MCCC1: variants seen among roughly 807,000 people sequenced by gnomAD.
MCCC1 encodes methylcrotonoyl-CoA carboxylase subunit alpha, mitochondrial.
In MCCC1, 64 loss-of-function variants were observed where a neutral mutation model predicts 83.8. That is an observed-to-expected ratio of 0.76 (90% CI 0.62 to 0.94). The LOEUF (loss-of-function observed/expected upper bound fraction) is 0.94. Ranked by LOEUF, MCCC1 falls within the 40% of genes least tolerant of loss-of-function variation. The probability of loss-of-function intolerance (pLI) is 0.00; values close to 1 mark genes in which losing one functional copy is unlikely to be tolerated. For synonymous variants in MCCC1, 322 were observed against 315.4 expected (o/e 1.02, Z -0.22); for missense variants, 807 against 904.7 (o/e 0.89, Z 1.39).
intron 1 of MCCC1, among the ~76,000 whole-genome samples, chr3:183,113,727 A>G (rs1199626824): frequency 6.6e-6 from 1 of 152,070 alleles, no homozygotes; most frequent in Non-Finnish European, 1.5e-5. Flanking sequence ...AAAAATTTAA[A>G]AAAAGGGTCC....
At chr3:183,053,591 A>G (rs1022069928) in intron 8 of MCCC1, among the ~76,000 whole-genome samples, 19 of 151,772 alleles carry the variant, frequency 1.3e-4, no homozygotes, top group South Asian at 8.4e-4. Flanking sequence ...CGGATCATGA[A>G]GTCAGGAGTT....
chr3:183,044,910 T>TTGTTGC (rs1281075962), intron 10 of MCCC1, among the ~76,000 whole-genome samples: 1 of 151,188 alleles, frequency 6.6e-6, no homozygotes, highest in East Asian at 1.9e-4. Context: ...GACTGTTTTG[T>TTGTTGC]TGTTGTTGTT....
At chr3:183,047,796 T>G (rs1166778737) in intron 9 of MCCC1, among the ~76,000 whole-genome samples, 6 of 150,616 alleles carry the variant, frequency 4.0e-5, no homozygotes, top group Admixed American at 6.6e-5. Flanking sequence ...TGAAAAACAG[T>G]GAGAAAAAAA....
At chr3:183,060,572 C>T (rs1474810673) in intron 7 of MCCC1, among the ~76,000 whole-genome samples, 3 of 151,642 alleles carry the variant, frequency 2.0e-5, no homozygotes, top group Non-Finnish European at 4.4e-5. Context: ...TGCAAATACA[C>T]TTATAGTTTT....
chr3:183,103,737 C>G (rs77462396), upstream of MCCC1, among the ~76,000 whole-genome samples: 1 of 152,216 alleles, frequency 6.6e-6, no homozygotes, highest in Non-Finnish European at 1.5e-5. Flanking sequence ...AGTCCCGCGC[C>G]GTGCGCCCGC....
Position 183,072,482 on chromosome 3 carries a change from G to A in MCCC1, c.375C>T (p.Ile125=). Reference sequence around the variant, plus strand: ...CTGAGAGAAAACCGCATCCTGGATGGATAGCCTAGAAATGAGAAATAAAAT... The same window carrying A: ...CTGAGAGAAAACCGCATCCTGGATGAATAGCCTAGAAATGAGAAATAAAAT... The part of the protein sequence containing the change: ...QVAKTSAAQA[I]HPGCGFLSEN... The change falls in exon 5 of 19, where the codon ATC becomes ATT. Residue 125 remains isoleucine (I), a synonymous_variant. Coordinates refer to ENST00000265594, the MANE Select transcript of MCCC1 (RefSeq NM_020166.5). The A allele has an allele frequency of 6.2e-7, 1 of 1,613,762 alleles. No homozygotes were observed. The highest frequency in any genetic ancestry group is 1.1e-5 in the South Asian group (1 of 91,074).
chr3:183,098,141 G>C (rs13059375), intron 1 of MCCC1, among the ~76,000 whole-genome samples: 1 of 151,956 alleles, frequency 6.6e-6, no homozygotes, highest in African/African-American at 2.4e-5. Flanking sequence ...GTGTTATCCA[G>C]GTTGGTCTCG....
intron 1 of MCCC1, among the ~76,000 whole-genome samples, chr3:183,111,577 G>C (rs1017004050): frequency 2.6e-5 from 4 of 152,224 alleles, no homozygotes; most frequent in African/African-American, 9.6e-5. Flanking sequence ...TGGGATTACA[G>C]GCGTGAGTCA....
At chr3:183,067,783 A>G (rs1478658284) in intron 7 of MCCC1, among the ~76,000 whole-genome samples, 5 of 152,194 alleles carry the variant, frequency 3.3e-5, no homozygotes. Flanking sequence ...AAGCCTTCTA[A>G]CTTAGTTAAC....
Position 183,015,384 on chromosome 3 carries a change from T to G in MCCC1, c.*54A>C. The G allele has an allele frequency of 6.2e-7, 1 of 1,608,202 alleles. No homozygotes were observed. The highest frequency in any genetic ancestry group is 8.5e-7 in the Non-Finnish European group (1 of 1,174,742). On this transcript the variant is annotated 3_prime_UTR_variant, in exon 19 of 19. Coordinates refer to ENST00000265594, the MANE Select transcript of MCCC1 (RefSeq NM_020166.5). ...CCCCAGAAAAGCTGGAGGCACTTCC[T>G]CTTTTTGGTGGAGAGAGAAGACACT...
At chr3:183,079,116 C>T (rs150788309) in intron 4 of MCCC1, among the ~76,000 whole-genome samples, 2,780 of 152,290 alleles carry the variant, frequency 0.018, 84 homozygotes, top group African/African-American at 0.061. Flanking sequence ...CAGAACCAAA[C>T]CATATCATTC....
chr3:183,039,176 C>T lies in MCCC1; in HGVS notation c.1268-41G>A, dbSNP rs371204611. 14 of 1,562,578 alleles carry T rather than the reference C, an allele frequency of 9.0e-6. No homozygotes were observed. The South Asian group carries it at 1.2e-4, about 14-fold the overall frequency. On this transcript the variant is annotated intron_variant, in intron 11 of 18. Transcript: ENST00000265594. Reference sequence around the variant, plus strand: ...ACGGTAACCTCTTCAAGTCAAAACACGAAGGAATAAAATACAACGAGCAAG... The same window carrying T: ...ACGGTAACCTCTTCAAGTCAAAACATGAAGGAATAAAATACAACGAGCAAG...
chr3:183,092,259 A>G, intron 3 of MCCC1, 150 bp downstream of exon 3: 1 of 885,946 alleles, frequency 1.1e-6, no homozygotes, highest in South Asian at 1.6e-5. Flanking sequence ...TATCTGAAAA[A>G]TGTTCCCAAG....
intron 1 of MCCC1, among the ~76,000 whole-genome samples, chr3:183,114,866 G>C (rs115413319): frequency 6.6e-6 from 1 of 152,172 alleles, no homozygotes; most frequent in Non-Finnish European, 1.5e-5. Flanking sequence ...GGCTGCCCCT[G>C]TATTTTGCTC....
chr3:183,085,687 T>C (rs1374996686), intron 4 of MCCC1, among the ~76,000 whole-genome samples: 1 of 150,200 alleles, frequency 6.7e-6, no homozygotes, highest in African/African-American at 2.4e-5. Flanking sequence ...CCTACCTCTC[T>C]CTGCTCCATC....
At chr3:183,070,222 G>A (rs1244245954) in intron 7 of MCCC1, among the ~76,000 whole-genome samples, 1 of 120,118 alleles carries the variant, frequency 8.3e-6, no homozygotes, top group African/African-American at 2.5e-5. Flanking sequence ...TCCATTTCCT[G>A]AGCATCTCAA....
At chr3:183,054,924 C>T (rs1469199912) in intron 8 of MCCC1, among the ~76,000 whole-genome samples, 1 of 152,084 alleles carries the variant, frequency 6.6e-6, no homozygotes. Flanking sequence ...GGTTTGTAGC[C>T]TAGGAGCAAT....
At chr3:183,017,435 C>T (rs1711739763) in intron 17 of MCCC1, 98 bp from the exon 18 acceptor site, 1 of 1,039,266 alleles carries the variant, frequency 9.6e-7, no homozygotes, top group Non-Finnish European at 1.5e-6. Flanking sequence ...TCTATATATA[C>T]TCATAACATC....
intron 1 of MCCC1, chr3:183,098,900 GA>G (rs1225097099): frequency 3.0e-5 from 7 of 229,870 alleles, no homozygotes; most frequent in Non-Finnish European, 3.5e-5. Context: ...CAGCTGAACT[GA>G]AAAATGGCTT....
Sources: allele counts gnomAD v4.1 joint callset (sites outside exome capture counted in the v4.1 genomes callset), GRCh38; gene constraint gnomAD v4.1.1; transcripts MANE v1.5; gene names NCBI Gene and HGNC (gene_info 2026-07-23, HGNC 2026-07-21).